SF3B3: variants seen among roughly 807,000 people sequenced by gnomAD.
The protein encoded by SF3B3 is SAP 130.
In SF3B3, 33 loss-of-function variants were observed where a neutral mutation model predicts 139.2. The observed-to-expected ratio is 0.24, with a 90% CI of 0.18 to 0.32. The LOEUF (loss-of-function observed/expected upper bound fraction) is 0.32, where lower values mean the gene tolerates loss of function less well. Among genes scored for constraint, SF3B3 ranks in the 10% least tolerant of loss-of-function variants. The pLI, the probability that SF3B3 is intolerant of heterozygous loss-of-function variation, is 1.00. For missense variants in SF3B3, 818 were observed against 1,509.4 expected, an observed-to-expected ratio of 0.54 and a Z score of 7.59; for synonymous variants, 596 against 563.6, an observed-to-expected ratio of 1.06 and a Z score of -0.81.
intron 3 of SF3B3, 46 bp from the exon 4 acceptor site, chr16:70,530,695 CTCTT>C: frequency 6.8e-7 from 1 of 1,475,654 alleles, no homozygotes; most frequent in Non-Finnish European, 9.3e-7. Context: ...CTATAAGTCT[CTCTT>C]CTCATTATCT....
At chr16:70,538,059 C>T in intron 6 of SF3B3, 2 of 642,816 alleles carry the variant, frequency 3.1e-6, no homozygotes, top group Non-Finnish European at 5.9e-6. Context: ...TGACATTTTT[C>T]TCTGGACACA....
intron 7 of SF3B3, among the ~76,000 whole-genome samples, chr16:70,538,830 G>A (rs964630289): frequency 3.9e-5 from 6 of 152,170 alleles, no homozygotes; most frequent in African/African-American, 1.4e-4. Flanking sequence ...TTTGGATCAG[G>A]AATTGGCAAA....
At chr16:70,557,342 G>A (rs1311913833) in intron 15 of SF3B3, among the ~76,000 whole-genome samples, 2 of 152,218 alleles carry the variant, frequency 1.3e-5, no homozygotes, top group African/African-American at 2.4e-5. Context: ...AAGCAGCAAT[G>A]AATACCTCTC....
chr16:70,567,512 G>A lies in SF3B3; in HGVS notation c.2928G>A (p.Lys976=). 6.2e-7 allele frequency: 1 copy of A among 1,613,990 alleles called. No individual in the cohort carries two copies. The highest frequency in any genetic ancestry group is 8.5e-7 in the Non-Finnish European group (1 of 1,179,960). The change falls in exon 21 of 26, where the codon AAG becomes AAA. Residue 976 remains lysine (K), a synonymous_variant. Coordinates refer to ENST00000302516, the MANE Select transcript of SF3B3 (RefSeq NM_012426.5). The part of the protein sequence containing the change: ...LLRVYDLGKK[K]LLRKCENKHI... ...GTGTCTATGACCTGGGAAAGAAGAA[G>A]TTACTCCGAAAATGTGAGAATAAGG...
At chr16:70,524,013 G>T (rs1282059017) in intron 1 of SF3B3, 85 bp downstream of exon 1, 3 of 420,954 alleles carry the variant, frequency 7.1e-6, no homozygotes, top group Non-Finnish European at 8.4e-6. Context: ...TTTGGCGGGG[G>T]TCACGGGCAG....
rs942840422 is a variant in SF3B3 at position 70,573,497 on chromosome 16, C to T, written c.*1684C>T. On this transcript the variant is annotated 3_prime_UTR_variant, in exon 26 of 26. Coordinates refer to ENST00000302516, the MANE Select transcript of SF3B3 (RefSeq NM_012426.5). ...AGGAGTTGTCACCACCGAGCTTCCT[C>T]TGGAAGTCTGCCCATCAGCTTGCTT... 6.6e-6 allele frequency: 1 copy of T among 152,224 alleles called. No homozygotes were observed. Among genetic ancestry groups the T allele is most frequent in the Non-Finnish European group, 1.5e-5 (1 of 68,054 alleles). The allele number at this position is 152,224 out of a possible 1,614,324, so 9.4% of individuals were successfully genotyped here. A position where few individuals can be genotyped will look rare whatever the true frequency, so the allele number is the denominator to read the frequency against.
At chr16:70,526,000 C>G (rs1342610033) in intron 1 of SF3B3, among the ~76,000 whole-genome samples, 3 of 149,760 alleles carry the variant, frequency 2.0e-5, no homozygotes, top group Non-Finnish European at 4.4e-5. Context: ...AAAGATATAC[C>G]TTAGTCTCAA....
chr16:70,544,911 TGACATGGA>T (rs1351677373), intron 10 of SF3B3, among the ~76,000 whole-genome samples: 1 of 152,194 alleles, frequency 6.6e-6, no homozygotes, highest in African/African-American at 2.4e-5. Flanking sequence ...TCACTAGTCA[TGACATGGA>T]GGCTAGGAAA....
chr16:70,540,867 G>A (rs2050213261), intron 8 of SF3B3, among the ~76,000 whole-genome samples: 1 of 152,138 alleles, frequency 6.6e-6, no homozygotes, highest in African/African-American at 2.4e-5. Flanking sequence ...CACTTGGATT[G>A]TTTCTACCTT....
chr16:70,560,012 T>C (rs771139395), intron 15 of SF3B3, among the ~76,000 whole-genome samples: 5 of 152,308 alleles, frequency 3.3e-5, no homozygotes, highest in Admixed American at 6.5e-5. Flanking sequence ...CCACTATTTG[T>C]AGGGGTTTCC....
chr16:70,567,741 A>G (rs1310858579), intron 21 of SF3B3, among the ~76,000 whole-genome samples: 3 of 152,170 alleles, frequency 2.0e-5, no homozygotes, highest in South Asian at 2.1e-4. Flanking sequence ...GCTGGAGTGC[A>G]GTGGCGCAAT....
In SF3B3 at chr16:70,544,442, C is replaced by G; in HGVS notation, c.1238C>G (p.Ala413Gly). 6.2e-7 allele frequency: 1 copy of G among 1,604,852 alleles called. No homozygotes were observed. The highest frequency in any genetic ancestry group is 1.3e-5 in the African/African-American group (1 of 74,818). ...SLSPILFCQIADLANEDTPQL... is the reference protein window; with the variant it reads ...SLSPILFCQIGDLANEDTPQL... ...TCTAACTTTTTCTCTGTGCAGATAG[C>G]TGATCTGGCCAATGAAGATACTCCA... The change falls in exon 10 of 26, where the codon GCT becomes GGT. Residue 413 changes from alanine (A) to glycine (G), a missense_variant. Ala to Gly is a moderately conservative substitution (Grantham distance 60). This residue lies in a region of SF3B3 where 26 missense variants were observed against 25.5 expected (regional missense o/e 1.02). Transcript: ENST00000302516.
In SF3B3 at chr16:70,560,543, G is replaced by A. The variant is rs951781857; in HGVS notation, c.2085G>A (p.Gly695=). 1 of 1,613,920 alleles carries A rather than the reference G, an allele frequency of 6.2e-7. No homozygotes were observed. The highest frequency in any genetic ancestry group is 8.5e-7 in the Non-Finnish European group (1 of 1,179,854). The change falls in exon 16 of 26, where the codon GGG becomes GGA. Residue 695 remains glycine, a synonymous_variant. Coordinates refer to ENST00000302516, the MANE Select transcript of SF3B3 (RefSeq NM_012426.5). ...DLSDTRTRYL[G]SRPVKLFRVR... is the part of the protein sequence containing the mutation. Reference sequence around the variant, plus strand: ...CTGATACTCGCACTCGGTACCTGGGGTCCCGTCCTGTGAAGCTCTTCCGAG... The same window carrying A: ...CTGATACTCGCACTCGGTACCTGGGATCCCGTCCTGTGAAGCTCTTCCGAG...
At chr16:70,543,421 A>G (rs2050238609) in intron 9 of SF3B3, among the ~76,000 whole-genome samples, 1 of 151,394 alleles carries the variant, frequency 6.6e-6, no homozygotes, top group Non-Finnish European at 1.5e-5. Flanking sequence ...AAAAGAAAAA[A>G]AAAAGGCCGG....
intron 3 of SF3B3, 135 bp from the exon 4 acceptor site, chr16:70,530,610 C>T (rs960216316): frequency 2.5e-6 from 2 of 788,406 alleles, no homozygotes; most frequent in South Asian, 1.8e-5. Flanking sequence ...AAAACAGAAT[C>T]CTGAGTTTTT....
At position 70,535,378 on chromosome 16, in the gene SF3B3, T is replaced by G; in HGVS notation, c.783T>G (p.Phe261Leu). 1 of 1,611,698 alleles carries G rather than the reference T, an allele frequency of 6.2e-7. No individual in the cohort carries two copies. ...AAAACTATATTACTTACAAGAACTT[T>G]GGTGACCAGCCAGATATCCGCTGTC... ...CSENYITYKN[F>L]GDQPDIRCPI... Residue 261 changes from phenylalanine (F) to leucine (L), a missense_variant, in exon 6 of 26, where the codon TTT (phenylalanine) becomes TTG (leucine). Physicochemically the swap from Phe to Leu is conservative, Grantham distance 22. This residue lies in a region of SF3B3 where 80 missense variants were observed against 206.5 expected (regional missense o/e 0.39). Coordinates refer to ENST00000302516, the MANE Select transcript of SF3B3 (RefSeq NM_012426.5).
At position 70,561,687 on chromosome 16, in the gene SF3B3, C is replaced by G; in HGVS notation, c.2191C>G (p.Leu731Val). The change falls in exon 17 of 26, where the codon CTC becomes GTC. Residue 731 changes from leucine (L) to valine (V), a missense_variant. Leu to Val is a conservative substitution (Grantham distance 32). Around this residue, in one of 14 missense-constraint regions of SF3B3, gnomAD observed 170 missense variants for 353.0 expected, o/e 0.48. Transcript: ENST00000302516. ...CTATTCTTACCAATCTCGCTTCCAT[C>G]TCACCCCACTGTCTTACGAGACACT... ...LSYSYQSRFH[L>V]TPLSYETLEF... 1 of 1,613,936 alleles carries G rather than the reference C, an allele frequency of 6.2e-7. No individual in the cohort carries two copies.
intron 15 of SF3B3, among the ~76,000 whole-genome samples, chr16:70,558,141 C>G (rs1265997318): frequency 1.3e-5 from 2 of 152,168 alleles, no homozygotes; most frequent in South Asian, 2.1e-4. Context: ...CTTATGTGTT[C>G]AAGTTCCTGT....
In SF3B3 at chr16:70,575,038, C is replaced by T. The variant is rs957961534; in HGVS notation, c.*3225C>T. 1.3e-5 allele frequency: 2 copies of T among 152,132 alleles called. No individual in the cohort carries two copies. Among genetic ancestry groups the T allele is most frequent in the Non-Finnish European group, 2.9e-5 (2 of 68,024 alleles). 9.4% of individuals were successfully genotyped at this position (152,132 alleles called of 1,614,324 possible). A position where few individuals can be genotyped will look rare whatever the true frequency, so the allele number is the denominator to read the frequency against. ...AAGATAGGGACTCTTAAAACACCTG[C>T]TTGGCCATGGTTGATTGACATTTGA... is the stretch of plus-strand genomic sequence containing the variant. On this transcript the variant is annotated 3_prime_UTR_variant, in exon 26 of 26. Coordinates refer to ENST00000302516, the MANE Select transcript of SF3B3 (RefSeq NM_012426.5).
Sources: allele counts gnomAD v4.1 joint callset (sites outside exome capture counted in the v4.1 genomes callset), GRCh38; gene constraint gnomAD v4.1.1; regional missense constraint gnomAD v4.1.1; transcripts MANE v1.5; gene names NCBI Gene and HGNC (gene_info 2026-07-23, HGNC 2026-07-21).